Variants in CACHD1 observed in about 807,000 individuals in gnomAD.
CACHD1 encodes cache domain containing 1, also known as VWFA and cache domain-containing protein 1.
In CACHD1, 71 loss-of-function variants were observed where a neutral mutation model predicts 138.7. The ratio of observed to expected loss-of-function variants is 0.51; its 90% confidence interval spans 0.42 to 0.62. The LOEUF (loss-of-function observed/expected upper bound fraction) is 0.62, where lower values mean the gene tolerates loss of function less well. Ranked by LOEUF, CACHD1 falls within the 20% of genes least tolerant of loss-of-function variation. The pLI is 0.00. For missense variants in CACHD1, 1,389 were observed against 1,625.3 expected (o/e 0.85, Z 2.50); for synonymous variants, 578 against 591.5 (o/e 0.98, Z 0.33).
At chr1:64,624,350 C>G (rs1364665980) in intron 4 of CACHD1, among the ~76,000 whole-genome samples, 1 of 152,156 alleles carries the variant, frequency 6.6e-6, no homozygotes, top group Non-Finnish European at 1.5e-5. Context: ...CATTCTTGCT[C>G]CCATTGGCTC....
At chr1:64,663,061 A>C (rs1649495137) in intron 13 of CACHD1, among the ~76,000 whole-genome samples, 1 of 152,244 alleles carries the variant, frequency 6.6e-6, no homozygotes, top group Non-Finnish European at 1.5e-5. Context: ...AACATCACAC[A>C]GCCAGAAAAT....
chr1:64,579,992 G>T (rs955441416), intron 2 of CACHD1: 1 of 152,392 alleles, frequency 6.6e-6, no homozygotes, highest in African/African-American at 2.4e-5. Context: ...AGAATATAAG[G>T]TTTTCAAGCT....
intron 4 of CACHD1, among the ~76,000 whole-genome samples, chr1:64,618,316 C>T (rs1395190015): frequency 6.6e-6 from 1 of 152,220 alleles, no homozygotes; most frequent in Non-Finnish European, 1.5e-5. Flanking sequence ...TGCCATCCCA[C>T]TCAACCTGCA....
chr1:64,677,583 G>A (rs1012804883), intron 22 of CACHD1, among the ~76,000 whole-genome samples: 5 of 152,172 alleles, frequency 3.3e-5, no homozygotes, highest in African/African-American at 9.7e-5. Flanking sequence ...TGCTTTGCGT[G>A]TGTATTTTAG....
At chr1:64,528,772 AAAG>A (rs776849724) in intron 1 of CACHD1, among the ~76,000 whole-genome samples, 34 of 152,220 alleles carry the variant, frequency 2.2e-4, no homozygotes, top group Non-Finnish European at 4.3e-4. Context: ...GGATCTCTGA[AAAG>A]AAGAATTAGT....
chr1:64,677,086 G>C, intron 22 of CACHD1, 75 bp downstream of exon 22: 1 of 1,203,130 alleles, frequency 8.3e-7, no homozygotes, highest in South Asian at 1.3e-5. Flanking sequence ...TTTTAAAAAG[G>C]TATGTCAGTT....
intron 2 of CACHD1, among the ~76,000 whole-genome samples, chr1:64,562,443 C>G (rs1189336091): frequency 7.3e-6 from 1 of 137,538 alleles, no homozygotes; most frequent in Non-Finnish European, 1.5e-5. Context: ...CAGAGTCTTG[C>G]TCTGCCACCA....
chr1:64,672,487 T>G (rs1649848728), intron 17 of CACHD1, among the ~76,000 whole-genome samples: 1 of 152,210 alleles, frequency 6.6e-6, no homozygotes, highest in Admixed American at 6.5e-5. Context: ...CACATAACTT[T>G]TATTACTGTT....
chr1:64,611,327 G>T (rs1188742613), intron 4 of CACHD1, among the ~76,000 whole-genome samples: 1 of 152,100 alleles, frequency 6.6e-6, no homozygotes, highest in East Asian at 1.9e-4. Flanking sequence ...CCAGGAAATG[G>T]GTTTTTCTTT....
At chr1:64,514,738 A>G (rs1266865391) in intron 1 of CACHD1, among the ~76,000 whole-genome samples, 1 of 152,206 alleles carries the variant, frequency 6.6e-6, no homozygotes, top group African/African-American at 2.4e-5. Flanking sequence ...TCTTGTTCTC[A>G]AGAATGGAAC....
chr1:64,555,213 T>G (rs566478100), intron 2 of CACHD1, among the ~76,000 whole-genome samples: 29 of 152,160 alleles, frequency 1.9e-4, no homozygotes, highest in Middle Eastern at 6.8e-3. Context: ...GGTCTTGAAC[T>G]CCTGAGCTCA....
intron 1 of CACHD1, among the ~76,000 whole-genome samples, chr1:64,509,109 T>TAATGAAG (rs1646399436): frequency 6.6e-6 from 1 of 152,186 alleles, no homozygotes; most frequent in African/African-American, 2.4e-5. Context: ...ATACTCTCTT[T>TAATGAAG]TTTTCTCTGT....
Position 64,629,466 on chromosome 1 carries a change from A to T in CACHD1, c.629A>T (p.Tyr210Phe). Residue 210 changes from tyrosine to phenylalanine, a missense_variant, in exon 5 of 27, where the codon TAC becomes TTC. Tyr to Phe is a conservative substitution (Grantham distance 22, BLOSUM62 3). Transcript: ENST00000651257. ...PAHKFRCKGS[Y>F]EHRSRPIYVS... ...CACAAGTTCCGGTGTAAGGGCAGCT[A>T]CGAACACCGCAGTAGGTATGTTGAC... The T allele has an allele frequency of 6.2e-7, 1 of 1,614,138 alleles. No homozygotes were observed. Among genetic ancestry groups the T allele is most frequent in the Non-Finnish European group, 8.5e-7 (1 of 1,179,972 alleles).
intron 15 of CACHD1, among the ~76,000 whole-genome samples, chr1:64,665,365 T>C (rs1453097720): frequency 6.6e-6 from 1 of 151,684 alleles, no homozygotes; most frequent in Non-Finnish European, 1.5e-5. Flanking sequence ...GAGGCTGAGG[T>C]GGGAGAATTG....
chr1:64,583,070 T>G (rs1207176602), intron 3 of CACHD1, among the ~76,000 whole-genome samples: 1 of 152,180 alleles, frequency 6.6e-6, no homozygotes, highest in African/African-American at 2.4e-5. Context: ...AAATGTAAAT[T>G]AGTATTTATT....
intron 16 of CACHD1, among the ~76,000 whole-genome samples, chr1:64,669,588 C>A (rs1328589464): frequency 6.6e-6 from 1 of 152,110 alleles, no homozygotes; most frequent in African/African-American, 2.4e-5. Context: ...GAAGTACAAT[C>A]ATTGAGTAAA....
intron 1 of CACHD1, among the ~76,000 whole-genome samples, chr1:64,527,870 G>A (rs748780346): frequency 2.0e-5 from 3 of 152,132 alleles, no homozygotes; most frequent in Non-Finnish European, 2.9e-5. Flanking sequence ...GTAAATTAGG[G>A]TCCAACAGTG....
chr1:64,612,693 A>G (rs943220879), intron 4 of CACHD1, among the ~76,000 whole-genome samples: 4 of 151,898 alleles, frequency 2.6e-5, no homozygotes, highest in Non-Finnish European at 4.4e-5. Flanking sequence ...CCACTCCTCA[A>G]AAAAAAAGAT....
At chr1:64,658,092 A>C (rs145640486) in intron 12 of CACHD1, among the ~76,000 whole-genome samples, 1 of 152,216 alleles carries the variant, frequency 6.6e-6, no homozygotes, top group Non-Finnish European at 1.5e-5. Context: ...CATGGTCTGC[A>C]ATGACAAATC....
Sources: gnomAD v4.1 joint callset for allele counts (sites outside exome capture counted in the v4.1 genomes callset) on GRCh38, gnomAD v4.1.1 for gene constraint, MANE v1.5 for transcripts, NCBI Gene and HGNC (gene_info 2026-07-23, HGNC 2026-07-21) for gene names.